The following LTBP1 variants were observed in gnomAD, a reference collection of about 807,000 sequenced individuals.
LTBP1 encodes the protein latent transforming growth factor beta binding protein 1, also known as latent-transforming growth factor beta-binding protein 1.
A neutral mutation model predicts 207.6 loss-of-function variants in LTBP1; 129 were observed. That is an observed-to-expected ratio of 0.62 (90% CI 0.54 to 0.72). The LOEUF (loss-of-function observed/expected upper bound fraction) is 0.72, where lower values mean the gene tolerates loss of function less well. LTBP1 is among the 30% of genes least tolerant of loss of function. The probability of loss-of-function intolerance (pLI) is 0.00; values close to 1 mark genes in which losing one functional copy is unlikely to be tolerated. For missense variants in LTBP1, 2,281 were observed against 2,217.2 expected (o/e 1.03, Z -0.58); for synonymous variants, 963 against 833.7 (o/e 1.16, Z -2.67).
chr2:33,347,617 G>A (rs2149769746), intron 26 of LTBP1, 107 bp downstream of exon 26: 2 of 1,333,630 alleles, frequency 1.5e-6, no homozygotes, highest in South Asian at 1.3e-5. Context: ...GCAGCCAGAT[G>A]TCCTGACACA....
chr2:33,258,025 G>C (rs1286153578), intron 12 of LTBP1, among the ~76,000 whole-genome samples: 1 of 152,204 alleles, frequency 6.6e-6, no homozygotes, highest in East Asian at 1.9e-4. Context: ...AGAAACCTGA[G>C]ACCTAGAGAG....
intron 3 of LTBP1, among the ~76,000 whole-genome samples, chr2:33,043,352 T>G (rs142702510): frequency 1.3e-5 from 2 of 152,144 alleles, no homozygotes; most frequent in Admixed American, 6.5e-5. Flanking sequence ...CCACCTCAGA[T>G]AATATGTTCC....
intron 26 of LTBP1, among the ~76,000 whole-genome samples, chr2:33,348,219 T>C (rs2094730097): frequency 2.0e-5 from 3 of 152,326 alleles, no homozygotes; most frequent in Middle Eastern, 6.8e-3. Context: ...TTTTTTTTCT[T>C]TCTCAGTCAG....
Position 33,229,890 on chromosome 2 carries a change from A to G in LTBP1, c.1876+7739A>G, listed in dbSNP as rs111289204. On this transcript the variant is annotated intron_variant, in intron 9 of 33. Transcript: ENST00000404816. ...AAAGTGAAGTAACACACAAAATTCTATTTCATGGGTCCTCAAGGAGGCACT... is the reference window on the plus strand; with the variant it reads ...AAAGTGAAGTAACACACAAAATTCTGTTTCATGGGTCCTCAAGGAGGCACT... Among the ~76,000 whole-genome samples, 1,455 of 152,336 alleles carry G rather than the reference A, an allele frequency of 9.6e-3. 24 individuals carry two copies. The highest frequency in any genetic ancestry group is 0.033 in the African/African-American group (1,374 of 41,588).
intron 4 of LTBP1, among the ~76,000 whole-genome samples, chr2:33,132,197 G>C (rs764916286): frequency 2.6e-5 from 4 of 152,176 alleles, no homozygotes; most frequent in Non-Finnish European, 5.9e-5. Flanking sequence ...AACACACAAA[G>C]TATCCTCAAG....
chr2:33,229,344 G>T (rs886077098), intron 9 of LTBP1, among the ~76,000 whole-genome samples: 1 of 151,974 alleles, frequency 6.6e-6, no homozygotes, highest in East Asian at 1.9e-4. Flanking sequence ...GTGTGGTGGT[G>T]CATGCCTGTA....
intron 2 of LTBP1, among the ~76,000 whole-genome samples, chr2:32,970,494 G>A (rs1017083900): frequency 2.0e-5 from 3 of 152,010 alleles, no homozygotes; most frequent in East Asian, 1.9e-4. Context: ...TAGTTACCTC[G>A]GCACCATTTA....
At chr2:33,010,113 C>T (rs1687470028) in intron 2 of LTBP1, among the ~76,000 whole-genome samples, 1 of 152,044 alleles carries the variant, frequency 6.6e-6, no homozygotes, top group Admixed American at 6.6e-5. Context: ...CATGGGGGGA[C>T]ATGGGGAGGA....
chr2:32,951,743 C>A (rs1042063653), intron 2 of LTBP1, among the ~76,000 whole-genome samples: 1 of 152,086 alleles, frequency 6.6e-6, no homozygotes, highest in African/African-American at 2.4e-5. Context: ...CTTGGTGAAA[C>A]CAGAAAGATT....
chr2:33,198,170 C>T (rs2088790486), intron 7 of LTBP1, among the ~76,000 whole-genome samples: 1 of 152,112 alleles, frequency 6.6e-6, no homozygotes, highest in African/African-American at 2.4e-5. Context: ...TGGTTTTTGT[C>T]TTTGGTTCTG....
rs1176008947 is a variant in LTBP1, at chr2:33,150,710, C to CTTTTTTTT, written c.1201+15769_1201+15776dup. Reference sequence around the variant, plus strand: ...CTTTTCTTTTTTCTTTTTTCTTTTTCTTTTTTTTTTTTTTTTTTTTTTTTT... The same window carrying CTTTTTTTT: ...CTTTTCTTTTTTCTTTTTTCTTTTTCTTTTTTTTTTTTTTTTTTTTTTTTTTTTTTTTT... On this transcript the variant is annotated intron_variant, in intron 5 of 33. Transcript: ENST00000404816. 6.5e-4 allele frequency among the ~76,000 whole-genome samples: 45 copies of CTTTTTTTT among 69,300 alleles called. 1 individual carries two copies. Among genetic ancestry groups the CTTTTTTTT allele is most frequent in the East Asian group, 1.3e-3 (3 of 2,300 alleles). The allele number at this position is 69,300 out of a possible 152,430, so 45.5% of individuals were successfully genotyped here.
intron 10 of LTBP1, among the ~76,000 whole-genome samples, chr2:33,245,936 G>C (rs2092494024): frequency 1.3e-5 from 2 of 152,138 alleles, no homozygotes; most frequent in South Asian, 4.1e-4. Flanking sequence ...CTAGAGTTGA[G>C]GGCAGACATC....
chr2:33,149,622 T>A (rs1439256154), intron 5 of LTBP1, among the ~76,000 whole-genome samples: 1 of 152,150 alleles, frequency 6.6e-6, no homozygotes. Flanking sequence ...CACATTGGAT[T>A]TTAGAGGGTG....
chr2:33,270,606 A>AG (rs1183932815), intron 15 of LTBP1, among the ~76,000 whole-genome samples: 1 of 151,216 alleles, frequency 6.6e-6, no homozygotes, highest in African/African-American at 2.4e-5. Flanking sequence ...AAAAAAAAAA[A>AG]AAAAAGAATG....
At chr2:32,963,781 A>G (rs1334540776) in intron 2 of LTBP1, among the ~76,000 whole-genome samples, 1 of 152,122 alleles carries the variant, frequency 6.6e-6, no homozygotes, top group Non-Finnish European at 1.5e-5. Context: ...CCACACACCT[A>G]CCAAATTGGA....
chr2:33,072,987 T>TG (rs1306973916), intron 3 of LTBP1, among the ~76,000 whole-genome samples: 2 of 152,166 alleles, frequency 1.3e-5, no homozygotes, highest in African/African-American at 4.8e-5. Flanking sequence ...ATGACACCCC[T>TG]GGGGGGAGTA....
chr2:33,398,508 C>T lies in LTBP1; in HGVS notation c.5129C>T (p.Thr1710Ile), dbSNP rs761982545. The T allele has an allele frequency of 1.9e-6, 3 of 1,614,146 alleles. No individual in the cohort carries two copies. Among genetic ancestry groups the T allele is most frequent in the Non-Finnish European group, 2.5e-6 (3 of 1,179,984 alleles). The change falls in exon 34 of 34, where the codon ACC (threonine) becomes ATC (isoleucine). Residue 1710 changes from threonine to isoleucine, a missense_variant. Thr to Ile is a moderately conservative substitution (Grantham distance 89). Coordinates refer to ENST00000404816, the MANE Select transcript of LTBP1 (RefSeq NM_206943.4). The part of the protein sequence containing the change: ...DKPNYCTPLN[T>I]ALNLEKDSDL... ...CCAAACTACTGCACTCCGTTGAATA[C>T]CGCCTTGAATTTAGAGAAAGACAGT...
chr2:33,241,438 A>C (rs909409050), intron 9 of LTBP1, among the ~76,000 whole-genome samples: 4 of 152,214 alleles, frequency 2.6e-5, no homozygotes, highest in Non-Finnish European at 4.4e-5. Flanking sequence ...GAGTCAAAGA[A>C]GGGGCATTGG....
At chr2:33,201,713 CTT>C (rs1367846403) in intron 7 of LTBP1, among the ~76,000 whole-genome samples, 1 of 151,716 alleles carries the variant, frequency 6.6e-6, no homozygotes, top group Non-Finnish European at 1.5e-5. Flanking sequence ...AGAAAATAAA[CTT>C]TATGTGGATT....
Sources: gnomAD v4.1 joint callset for allele counts (sites outside exome capture counted in the v4.1 genomes callset) on GRCh38, gnomAD v4.1.1 for gene constraint, MANE v1.5 for transcripts, NCBI Gene and HGNC (gene_info 2026-07-23, HGNC 2026-07-21) for gene names.